The following DNAAF4 variants were observed in gnomAD, a reference collection of about 807,000 sequenced individuals.
The protein encoded by DNAAF4 is dynein axonemal assembly factor 4.
DNAAF4 carries 43 observed loss-of-function variants against 51.8 expected under a neutral mutation model. The ratio of observed to expected loss-of-function variants is 0.83; its 90% CI spans 0.65 to 1.07. The LOEUF is 1.07. Ranked by LOEUF, DNAAF4 falls within the 50% of genes least tolerant of loss-of-function variation. The probability of loss-of-function intolerance (pLI) is 0.00; values close to 1 mark genes in which losing one functional copy is unlikely to be tolerated. For missense variants in DNAAF4, 581 were observed against 493.0 expected, an observed-to-expected ratio of 1.18 and a Z score of -1.69; for synonymous variants, 194 against 165.6, an observed-to-expected ratio of 1.17 and a Z score of -1.32.
intron 3 of DNAAF4, among the ~76,000 whole-genome samples, chr15:55,493,090 C>T (rs2058596308): frequency 6.6e-6 from 1 of 151,922 alleles, no homozygotes; most frequent in African/African-American, 2.4e-5. Flanking sequence ...TACAGAAGGC[C>T]CCAGAAAGCA....
At chr15:55,503,577 C>G in intron 1 of DNAAF4, among the ~76,000 whole-genome samples, 1 of 152,168 alleles carries the variant, frequency 6.6e-6, no homozygotes, top group Admixed American at 6.5e-5. Context: ...TTATCCACCA[C>G]GATCAAGTCG....
intron 4 of DNAAF4, among the ~76,000 whole-genome samples, chr15:55,470,879 T>A (rs1448871410): frequency 9.6e-6 from 1 of 104,684 alleles, no homozygotes; most frequent in East Asian, 3.3e-4. Flanking sequence ...TGAGACAAGG[T>A]CTTGTTCTGT....
downstream of DNAAF4, among the ~76,000 whole-genome samples, chr15:55,426,945 A>C (rs2057435766): frequency 6.6e-6 from 1 of 152,156 alleles, no homozygotes; most frequent in Admixed American, 6.5e-5. Context: ...GTAACCCCCA[A>C]AGGGGTTTAC....
chr15:55,481,509 G>A (rs1356951193), intron 4 of DNAAF4, among the ~76,000 whole-genome samples: 1 of 152,164 alleles, frequency 6.6e-6, no homozygotes, highest in East Asian at 1.9e-4. Flanking sequence ...AGCTTCAAAT[G>A]ATCATGCAGC....
At position 55,442,138 on chromosome 15, in the gene DNAAF4, A is replaced by G. The variant is rs115682411; in HGVS notation, c.784-2557T>C. On this transcript the variant is annotated intron_variant, in intron 6 of 9. Transcript: ENST00000321149. ...GTTTTTTTTGTTTTGTTTTGTTTTG[A>G]GATGGGTTCTCGTTCTGTTGCCAAG... Among the ~76,000 whole-genome samples, 890 of 152,148 alleles carry G rather than the reference A, an allele frequency of 5.8e-3. 8 individuals are homozygous for G. The highest frequency in any genetic ancestry group is 0.021 in the African/African-American group (852 of 41,520).
chr15:55,492,398 T>C (rs2058587291), intron 3 of DNAAF4, among the ~76,000 whole-genome samples: 1 of 152,066 alleles, frequency 6.6e-6, no homozygotes, highest in Admixed American at 6.6e-5. Context: ...TTAACCTTTT[T>C]TGTGCAGCAG....
chr15:55,421,811 C>T (rs1003094361), intron 7 of DNAAF4, among the ~76,000 whole-genome samples: 8 of 151,568 alleles, frequency 5.3e-5, no homozygotes, highest in African/African-American at 1.9e-4. Context: ...ATCTCTTGAA[C>T]CCCAGAGGCG....
At chr15:55,442,972 T>C (rs551199205) in intron 6 of DNAAF4, 68 of 1,611,286 alleles carry the variant, frequency 4.2e-5, no homozygotes, top group Admixed American at 2.0e-4. Flanking sequence ...CTCAACGTCA[T>C]TGTAGAACAT....
chr15:55,473,548 T>G (rs2058296992), intron 4 of DNAAF4, among the ~76,000 whole-genome samples: 1 of 151,822 alleles, frequency 6.6e-6, no homozygotes, highest in Non-Finnish European at 1.5e-5. Flanking sequence ...AATAGGGTCT[T>G]TCTTACTTAA....
downstream of DNAAF4, among the ~76,000 whole-genome samples, chr15:55,429,815 C>T (rs1040168853): frequency 2.0e-5 from 3 of 147,930 alleles, no homozygotes; most frequent in Admixed American, 2.0e-4. Flanking sequence ...AGACTTCCTC[C>T]GTCTCAAAAA....
At position 55,435,100 on chromosome 15, in the gene DNAAF4, A is replaced by G. The variant is rs745651876; in HGVS notation, c.894-42T>C. The G allele has an allele frequency of 1.9e-6, 3 of 1,547,744 alleles. No individual in the cohort carries two copies. In the South Asian group the frequency reaches 3.7e-5, roughly 19 times the overall value. ...AGAGAAGAAAAACAATTTAACATTGAAACAGAAACACAGAAATAATATCTA... is the reference window on the plus strand; with the variant it reads ...AGAGAAGAAAAACAATTTAACATTGGAACAGAAACACAGAAATAATATCTA... On this transcript the variant is annotated intron_variant, in intron 7 of 9. Transcript: ENST00000321149.
At chr15:55,503,625 C>G (rs2058711204) in intron 1 of DNAAF4, among the ~76,000 whole-genome samples, 1 of 152,136 alleles carries the variant, frequency 6.6e-6, no homozygotes. Flanking sequence ...TCAATATACG[C>G]AAATCAATAA....
chr15:55,429,773 C>T (rs772600565), downstream of DNAAF4, among the ~76,000 whole-genome samples: 29 of 144,180 alleles, frequency 2.0e-4, no homozygotes, highest in South Asian at 2.3e-4. Flanking sequence ...GCCAAGATCG[C>T]GCCATTGCAC....
chr15:55,457,861 A>C (rs770256854), intron 5 of DNAAF4, among the ~76,000 whole-genome samples: 1 of 152,212 alleles, frequency 6.6e-6, no homozygotes, highest in African/African-American at 2.4e-5. Flanking sequence ...CCTGTGGATC[A>C]CATCACAGGG....
At chr15:55,455,241 T>C (rs2058000840) in intron 5 of DNAAF4, among the ~76,000 whole-genome samples, 1 of 149,436 alleles carries the variant, frequency 6.7e-6, no homozygotes, top group Admixed American at 6.7e-5. Context: ...TTTCAAATAG[T>C]AGAAAAAGAA....
intron 5 of DNAAF4, among the ~76,000 whole-genome samples, chr15:55,465,584 G>A (rs1384140051): frequency 1.4e-5 from 1 of 69,836 alleles, no homozygotes; most frequent in African/African-American, 6.0e-5. Flanking sequence ...TTTTTTTTTT[G>A]AGACAGAGTT....
intron 8 of DNAAF4, among the ~76,000 whole-genome samples, chr15:55,433,466 A>G (rs1412640173): frequency 6.6e-6 from 1 of 151,742 alleles, no homozygotes; most frequent in Admixed American, 6.6e-5. Context: ...CTCTACTAAA[A>G]ATACAAAAAA....
chr15:55,456,515 GC>G (rs1001964402), intron 5 of DNAAF4, among the ~76,000 whole-genome samples: 7 of 152,178 alleles, frequency 4.6e-5, no homozygotes, highest in African/African-American at 1.7e-4. Flanking sequence ...ACATGCAGCT[GC>G]CACCTGGATG....
At chr15:55,446,617 G>A (rs141357163) in intron 6 of DNAAF4, among the ~76,000 whole-genome samples, 11 of 145,588 alleles carry the variant, frequency 7.6e-5, no homozygotes, top group African/African-American at 2.6e-4. Context: ...CAGGGCGGCC[G>A]AGCAGAGGCG....
Sources: allele counts gnomAD v4.1 joint callset (sites outside exome capture counted in the v4.1 genomes callset), GRCh38; gene constraint gnomAD v4.1.1; transcripts MANE v1.5; gene names NCBI Gene and HGNC (gene_info 2026-07-23, HGNC 2026-07-21).